The following DRD3 variants were observed in gnomAD, a reference collection of about 807,000 sequenced individuals.
DRD3 encodes the protein D(3) dopamine receptor.
In DRD3, 19 loss-of-function variants were observed where a neutral mutation model predicts 36.3. The ratio of observed to expected loss-of-function variants is 0.52; its 90% CI spans 0.36 to 0.77. The LOEUF (loss-of-function observed/expected upper bound fraction) is 0.77. DRD3 is among the 30% of genes least tolerant of loss of function. The pLI is 0.00. For synonymous variants in DRD3, 195 were observed against 203.7 expected, an observed-to-expected ratio of 0.96 and a Z score of 0.36; for missense variants, 465 against 505.3, an observed-to-expected ratio of 0.92 and a Z score of 0.77.
At position 114,159,807 on chromosome 3, in the gene DRD3, C is replaced by T; in HGVS notation, c.331G>A (p.Val111Ile). 2.5e-6 allele frequency: 4 copies of T among 1,614,122 alleles called. No individual in the cohort carries two copies. Among genetic ancestry groups the T allele is most frequent in the Non-Finnish European group, 3.4e-6 (4 of 1,179,992 alleles). ...ICCDVFVTLD[V>I]MMCTASILNL... ...AGGATGCTGGCTGTACACATCATGACATCCAGGGTGACAAAAACATCACAG... is the reference window on the plus strand; with the variant it reads ...AGGATGCTGGCTGTACACATCATGATATCCAGGGTGACAAAAACATCACAG... The change falls in exon 3 of 7, where the codon GTC (valine) becomes ATC (isoleucine). Residue 111 changes from valine to isoleucine, a missense_variant. Val to Ile is a conservative substitution (Grantham distance 29). Coordinates refer to ENST00000383673, the MANE Select transcript of DRD3 (RefSeq NM_000796.6).
At chr3:114,183,451 G>A (rs1055417855), upstream of DRD3, among the ~76,000 whole-genome samples, 11 of 152,060 alleles carry the variant, frequency 7.2e-5, no homozygotes, top group Non-Finnish European at 1.6e-4. Context: ...TGGGTTTATT[G>A]TGTTGTTTAT....
chr3:114,143,165 T>C (rs1161200317), intron 4 of DRD3, among the ~76,000 whole-genome samples: 1 of 152,218 alleles, frequency 6.6e-6, no homozygotes, highest in Non-Finnish European at 1.5e-5. Flanking sequence ...GTTAGCACAA[T>C]AGTTATTGAG....
chr3:114,148,584 A>G (rs2077589526), intron 3 of DRD3, among the ~76,000 whole-genome samples: 1 of 152,110 alleles, frequency 6.6e-6, no homozygotes. Flanking sequence ...AGATGTCTAA[A>G]ACTGATCTCC....
intron 4 of DRD3, among the ~76,000 whole-genome samples, chr3:114,142,981 T>C (rs561672473): frequency 4.5e-4 from 68 of 152,314 alleles, no homozygotes; most frequent in African/African-American, 1.5e-3. Context: ...GGCCTGGCCC[T>C]GGGTGTGTGT....
chr3:114,191,638 G>T (rs757719335), intron 1 of DRD3, among the ~76,000 whole-genome samples: 6 of 152,204 alleles, frequency 3.9e-5, no homozygotes, highest in Non-Finnish European at 8.8e-5. Flanking sequence ...GCAAGCCAGG[G>T]CGTGGGGAGG....
At chr3:114,173,183 G>A (rs996816523) in intron 1 of DRD3, among the ~76,000 whole-genome samples, 2 of 151,950 alleles carry the variant, frequency 1.3e-5, no homozygotes, top group African/African-American at 2.4e-5. Flanking sequence ...CAGAAAGCAG[G>A]CCCTCACCAG....
intron 3 of DRD3, among the ~76,000 whole-genome samples, chr3:114,157,440 C>T (rs1323801514): frequency 6.6e-6 from 1 of 152,108 alleles, no homozygotes; most frequent in Non-Finnish European, 1.5e-5. Context: ...TCCTCTTTTC[C>T]ATAAAGCCCT....
At chr3:114,169,680 C>T (rs964757403) in intron 2 of DRD3, among the ~76,000 whole-genome samples, 2 of 152,038 alleles carry the variant, frequency 1.3e-5, no homozygotes, top group African/African-American at 4.8e-5. Flanking sequence ...GCAAGATTTC[C>T]TGTCATTTTC....
chr3:114,144,339 A>G (rs958558285), intron 4 of DRD3, among the ~76,000 whole-genome samples: 4 of 152,356 alleles, frequency 2.6e-5, no homozygotes, highest in Admixed American at 6.5e-5. Context: ...GCTGCTTCCA[A>G]TATCAGGTGT....
Position 114,129,639 on chromosome 3 carries a change from G to A in DRD3, c.1007-727C>T, listed in dbSNP as rs543266421. On this transcript the variant is annotated intron_variant, in intron 6 of 6. Coordinates refer to ENST00000383673, the MANE Select transcript of DRD3 (RefSeq NM_000796.6). Reference sequence around the variant, plus strand: ...CCTGCTGTTGAGGAGATTACATCTAGGAGTTCTAGTAAACTCCCTGATACA... The same window carrying A: ...CCTGCTGTTGAGGAGATTACATCTAAGAGTTCTAGTAAACTCCCTGATACA... Among the ~76,000 whole-genome samples the A allele has an allele frequency of 1.1e-4, 16 of 152,310 alleles. No homozygotes were observed. The South Asian group carries it at 3.1e-3, about 30-fold the overall frequency.
intron 3 of DRD3, among the ~76,000 whole-genome samples, chr3:114,159,341 T>G (rs1357370176): frequency 6.6e-6 from 1 of 151,596 alleles, no homozygotes; most frequent in African/African-American, 2.4e-5. Context: ...TCTTTCTCTC[T>G]CCCACCTTCT....
rs1049333522 is a variant in DRD3 at position 114,198,731 on chromosome 3, A to G, written c.-156+542T>C. Among the ~76,000 whole-genome samples the G allele has an allele frequency of 2.2e-4, 34 of 152,226 alleles. 1 individual carries two copies. Among genetic ancestry groups the G allele is most frequent in the Admixed American group, 1.6e-3 (25 of 15,288 alleles). ...CACCGCTACACTTAATTTACAAAAC[A>G]TATAAATATGTTTTTGTTTTTTTAG... is the stretch of plus-strand genomic sequence containing the variant. On this transcript the variant is annotated intron_variant, in intron 1 of 7. Coordinates refer to the DRD3 transcript ENST00000460779.
chr3:114,164,231 A>AAAAAAAAAAAAAAAAAAAAAAAC, intron 2 of DRD3, among the ~76,000 whole-genome samples: 1 of 147,124 alleles, frequency 6.8e-6, no homozygotes, highest in Non-Finnish European at 1.5e-5. Flanking sequence ...AAAAAAAAAA[A>AAAAAAAAAAAAAAAAAAAAAAAC]AAAAAAAAAA....
chr3:114,188,353 G>A (rs555391068), intron 1 of DRD3, among the ~76,000 whole-genome samples: 16 of 151,856 alleles, frequency 1.1e-4, no homozygotes, highest in African/African-American at 2.4e-4. Context: ...CTGGGACTAC[G>A]GGCGTGTGCC....
At chr3:114,181,289 T>C (rs1321212836), upstream of DRD3, among the ~76,000 whole-genome samples, 1 of 152,202 alleles carries the variant, frequency 6.6e-6, no homozygotes, top group Non-Finnish European at 1.5e-5. Context: ...CTGTTCTGAC[T>C]TAGCTGTCTC....
chr3:114,173,001 A>C (rs1457368992), intron 1 of DRD3, among the ~76,000 whole-genome samples: 1 of 151,832 alleles, frequency 6.6e-6, no homozygotes, highest in East Asian at 1.9e-4. Context: ...ATATGTAGAA[A>C]TCCTAATTCC....
intron 4 of DRD3, among the ~76,000 whole-genome samples, chr3:114,141,062 G>A (rs1327278791): frequency 6.6e-6 from 1 of 152,030 alleles, no homozygotes; most frequent in Admixed American, 6.6e-5. Context: ...ACGGAATTTT[G>A]CCCTTGTTGC....
intron 5 of DRD3, among the ~76,000 whole-genome samples, chr3:114,135,924 CT>C (rs551192765): frequency 1.1e-3 from 167 of 152,244 alleles, no homozygotes; most frequent in African/African-American, 3.8e-3. Context: ...AACTCCTGAC[CT>C]GGTGATCTGC....
intron 4 of DRD3, 113 bp downstream of exon 4, chr3:114,147,302 G>T: frequency 7.4e-7 from 1 of 1,355,648 alleles, no homozygotes. Context: ...TCATTTAATT[G>T]CAAAGTACAC....
Sources: allele counts gnomAD v4.1 joint callset (sites outside exome capture counted in the v4.1 genomes callset), GRCh38; gene constraint gnomAD v4.1.1; transcripts MANE v1.5; gene names NCBI Gene and HGNC (gene_info 2026-07-23, HGNC 2026-07-21).